The following MALRD1 variants were observed in gnomAD, a reference collection of about 807,000 sequenced individuals.
MALRD1 encodes MAM and LDL-receptor class A domain-containing protein 1.
A neutral mutation model predicts 242.1 loss-of-function variants in MALRD1; 247 were observed. The ratio of observed to expected loss-of-function variants is 1.02; its 90% CI spans 0.92 to 1.13. The LOEUF (loss-of-function observed/expected upper bound fraction) is 1.13, where lower values mean the gene tolerates loss of function less well. Ranked by LOEUF, MALRD1 falls within the 50% of genes most tolerant of loss-of-function variation. The pLI is 0.00. For synonymous variants in MALRD1, 995 were observed against 866.6 expected (o/e 1.15, Z -2.60); for missense variants, 2,989 against 2,533.1 (o/e 1.18, Z -3.86).
intron 21 of MALRD1, among the ~76,000 whole-genome samples, chr10:19,291,074 A>G (rs920826782): frequency 6.6e-6 from 1 of 152,208 alleles, no homozygotes; most frequent in Non-Finnish European, 1.5e-5. Flanking sequence ...TCTAGAGAGC[A>G]AAGTTTTAAG....
intron 29 of MALRD1, among the ~76,000 whole-genome samples, chr10:19,459,715 A>G (rs1423202690): frequency 6.6e-6 from 1 of 151,912 alleles, no homozygotes; most frequent in East Asian, 1.9e-4. Flanking sequence ...ATCTCTCAAT[A>G]AAATTAAGAG....
intron 29 of MALRD1, among the ~76,000 whole-genome samples, chr10:19,467,006 A>G (rs1836246333): frequency 1.3e-5 from 2 of 152,056 alleles, no homozygotes; most frequent in Admixed American, 1.3e-4. Flanking sequence ...TCGCTTTCTA[A>G]GGACAGAAGT....
At chr10:19,703,428 C>T (rs1279404290) in intron 38 of MALRD1, among the ~76,000 whole-genome samples, 2 of 152,136 alleles carry the variant, frequency 1.3e-5, no homozygotes, top group Non-Finnish European at 2.9e-5. Flanking sequence ...AAAAAGAAGT[C>T]ATCATGAAAG....
rs1319052866 is a variant in MALRD1, at chr10:19,734,360, T to C, written c.*123T>C. The C allele has an allele frequency of 1.3e-5, 10 of 741,604 alleles. No homozygotes were observed. The highest frequency in any genetic ancestry group is 3.6e-5 in the African/African-American group (2 of 55,866). 45.9% of individuals were successfully genotyped at this position (741,604 alleles called of 1,614,324 possible). A position where few individuals can be genotyped will look rare whatever the true frequency, so the allele number is the denominator to read the frequency against. On this transcript the variant is annotated 3_prime_UTR_variant, in exon 40 of 40. Coordinates refer to ENST00000454679, the MANE Select transcript of MALRD1 (RefSeq NM_001142308.3). Reference sequence around the variant, plus strand: ...GAAAGGATTGTAAATGCCAGTGTAATTATAACATTTATGAATGAATTTTCT... The same window carrying C: ...GAAAGGATTGTAAATGCCAGTGTAACTATAACATTTATGAATGAATTTTCT...
chr10:19,119,173 A>C (rs1836976013), intron 5 of MALRD1, among the ~76,000 whole-genome samples: 1 of 152,132 alleles, frequency 6.6e-6, no homozygotes, highest in South Asian at 2.1e-4. Context: ...GGAAGACCCC[A>C]AATTTCTCGC....
At chr10:19,126,850 A>G (rs1479157283) in intron 7 of MALRD1, among the ~76,000 whole-genome samples, 1 of 152,060 alleles carries the variant, frequency 6.6e-6, no homozygotes, top group Non-Finnish European at 1.5e-5. Context: ...TGCACCTGTC[A>G]ACCCATTACC....
intron 38 of MALRD1, among the ~76,000 whole-genome samples, chr10:19,694,054 A>G (rs1833241201): frequency 6.6e-6 from 1 of 152,186 alleles, no homozygotes; most frequent in African/African-American, 2.4e-5. Context: ...TCCCTTCCTT[A>G]CACCTTATAC....
At chr10:19,301,750 A>T (rs2496074) in intron 21 of MALRD1, among the ~76,000 whole-genome samples, 20,514 of 151,592 alleles carry the variant, frequency 0.14, 1,677 homozygotes, top group South Asian at 0.35. Context: ...TTGAAATGCT[A>T]CCTGTTGGGT....
At chr10:19,569,475 G>GA (rs565892032) in intron 33 of MALRD1, among the ~76,000 whole-genome samples, 54 of 148,824 alleles carry the variant, frequency 3.6e-4, no homozygotes, top group Non-Finnish European at 6.0e-4. Flanking sequence ...TTTATCTCAG[G>GA]AAAAAAAAAT....
At chr10:19,609,954 G>T (rs1838819235) in intron 35 of MALRD1, among the ~76,000 whole-genome samples, 1 of 150,552 alleles carries the variant, frequency 6.6e-6, no homozygotes, top group African/African-American at 2.5e-5. Context: ...TAATGGTGGT[G>T]ATTATGATGA....
chr10:19,610,539 G>A (rs1043267674), intron 35 of MALRD1, among the ~76,000 whole-genome samples: 1 of 151,912 alleles, frequency 6.6e-6, no homozygotes. Context: ...ATCTTCGGGT[G>A]GACTCCTAGG....
chr10:19,169,175 A>G (rs967548377), intron 13 of MALRD1, among the ~76,000 whole-genome samples: 2 of 151,638 alleles, frequency 1.3e-5, no homozygotes, highest in African/African-American at 2.4e-5. Flanking sequence ...GCTGCCCCCA[A>G]TCTCCCAGAG....
intron 31 of MALRD1, 46 bp from the exon 32 acceptor site, chr10:19,531,148 C>T (rs117225806): frequency 3.4e-6 from 5 of 1,459,512 alleles, no homozygotes; most frequent in African/African-American, 1.4e-5. Context: ...CCGACTCATG[C>T]GATATTATCA....
At chr10:19,420,208 C>T (rs1368973634) in intron 28 of MALRD1, among the ~76,000 whole-genome samples, 1 of 150,964 alleles carries the variant, frequency 6.6e-6, no homozygotes, top group Non-Finnish European at 1.5e-5. Flanking sequence ...ATGATTGGCT[C>T]ATTTAAAGAG....
chr10:19,478,215 G>T (rs3864832), intron 29 of MALRD1, among the ~76,000 whole-genome samples: 1 of 151,990 alleles, frequency 6.6e-6, no homozygotes, highest in Non-Finnish European at 1.5e-5. Flanking sequence ...ACAGATAAGC[G>T]AATGCTTCAA....
Position 19,140,015 on chromosome 10 carries a change from G to T in MALRD1, c.1411+3234G>T, listed in dbSNP as rs12573575. 0.015 allele frequency among the ~76,000 whole-genome samples: 2,321 copies of T among 152,188 alleles called. 110 individuals are homozygous for T. In the East Asian group the frequency reaches 0.19, roughly 12 times the overall value. On this transcript the variant is annotated intron_variant, in intron 10 of 39. Transcript: ENST00000454679. The stretch of plus-strand genomic sequence containing the variant: ...TAGAAGCAAAAACTCTGTTTACTTT[G>T]CTAGTCCTTAAGAGCATCAATATTA...
At chr10:19,520,169 T>C (rs1309596915) in intron 31 of MALRD1, among the ~76,000 whole-genome samples, 2 of 152,160 alleles carry the variant, frequency 1.3e-5, no homozygotes, top group African/African-American at 2.4e-5. Flanking sequence ...AAGGCACTTG[T>C]TGAACTTAGC....
At chr10:19,299,133 C>T (rs997136409) in intron 21 of MALRD1, among the ~76,000 whole-genome samples, 3 of 151,610 alleles carry the variant, frequency 2.0e-5, no homozygotes, top group Non-Finnish European at 4.4e-5. Flanking sequence ...GATAAATGTA[C>T]AAATTAATTT....
At chr10:19,380,620 C>T (rs976358614) in intron 26 of MALRD1, among the ~76,000 whole-genome samples, 1 of 151,896 alleles carries the variant, frequency 6.6e-6, no homozygotes, top group Non-Finnish European at 1.5e-5. Context: ...GTTTAATGTC[C>T]ATACATAATA....
Sources: gnomAD v4.1 joint callset for allele counts (sites outside exome capture counted in the v4.1 genomes callset) on GRCh38, gnomAD v4.1.1 for gene constraint, MANE v1.5 for transcripts, NCBI Gene and HGNC (gene_info 2026-07-23, HGNC 2026-07-21) for gene names.